Variants in STK4 observed in about 807,000 individuals in gnomAD.
STK4 encodes serine/threonine-protein kinase 4.
STK4 carries 30 observed loss-of-function variants against 64.9 expected under a neutral mutation model. The ratio of observed to expected loss-of-function variants is 0.46; its 90% CI spans 0.35 to 0.63. The LOEUF (loss-of-function observed/expected upper bound fraction) is 0.63, where lower values mean the gene tolerates loss of function less well. STK4 is among the 20% of genes least tolerant of loss of function. STK4 has a pLI of 0.01. For missense variants in STK4, 466 were observed against 598.5 expected, an observed-to-expected ratio of 0.78 and a Z score of 2.31; for synonymous variants, 177 against 199.0, an observed-to-expected ratio of 0.89 and a Z score of 0.93.
At chr20:44,967,051 G>A (rs1344830685) in intron 1 of STK4, 4 of 717,740 alleles carry the variant, frequency 5.6e-6, no homozygotes, top group Non-Finnish European at 6.8e-6. Flanking sequence ...TGAGGGGTGC[G>A]GTGGGGGGAT....
intron 2 of STK4, chr20:44,975,408 G>A: frequency 2.0e-6 from 2 of 982,378 alleles, no homozygotes; most frequent in Non-Finnish European, 2.4e-6. Flanking sequence ...GATGCATAGG[G>A]AGGTATGAAG....
chr20:44,999,595 T>C (rs975520996), intron 7 of STK4, among the ~76,000 whole-genome samples: 3 of 152,180 alleles, frequency 2.0e-5, no homozygotes, highest in Non-Finnish European at 4.4e-5. Context: ...TAAAAACATA[T>C]GATGGTATTA....
chr20:44,991,341 G>T (rs2067630159), intron 5 of STK4, among the ~76,000 whole-genome samples: 1 of 152,112 alleles, frequency 6.6e-6, no homozygotes, highest in Non-Finnish European at 1.5e-5. Flanking sequence ...AAATTTTTCA[G>T]CATTTCCTTG....
chr20:45,059,390 C>T (rs140914769), intron 10 of STK4, among the ~76,000 whole-genome samples: 96 of 152,278 alleles, frequency 6.3e-4, no homozygotes, highest in Non-Finnish European at 2.5e-4. Context: ...AGCATCACTA[C>T]TCTTGCATTT....
intron 10 of STK4, among the ~76,000 whole-genome samples, chr20:45,035,907 G>C (rs1178373500): frequency 1.3e-5 from 2 of 152,142 alleles, no homozygotes; most frequent in African/African-American, 4.8e-5. Flanking sequence ...TGTACTATGT[G>C]CCAGGCATTA....
chr20:45,064,445 CTG>C (rs999465911), intron 10 of STK4, among the ~76,000 whole-genome samples: 26 of 151,610 alleles, frequency 1.7e-4, no homozygotes, highest in African/African-American at 5.8e-4. Context: ...AATTTTTAAA[CTG>C]TTTTTTTCTA....
intron 10 of STK4, among the ~76,000 whole-genome samples, chr20:45,032,995 T>G (rs1269990316): frequency 6.6e-6 from 1 of 152,200 alleles, no homozygotes; most frequent in African/African-American, 2.4e-5. Flanking sequence ...CTCATTGTGG[T>G]TTTGATTTGC....
intron 9 of STK4, among the ~76,000 whole-genome samples, chr20:45,006,826 C>G (rs1233894990): frequency 6.6e-6 from 1 of 152,142 alleles, no homozygotes; most frequent in Non-Finnish European, 1.5e-5. Flanking sequence ...TGTCCTGGCT[C>G]CTATCTTTAT....
rs537802447 is a variant in STK4 at position 45,025,453 on chromosome 20, T to G, written c.1305+323T>G. On this transcript the variant is annotated intron_variant, in intron 10 of 10. Transcript: ENST00000372806. Reference sequence around the variant, plus strand: ...TTATTTGGGGTTTTGATTTTATATTTAAGAATTAGATTGGAGGGCAATTGA... The same window carrying G: ...TTATTTGGGGTTTTGATTTTATATTGAAGAATTAGATTGGAGGGCAATTGA... 2.8e-4 allele frequency among the ~76,000 whole-genome samples: 42 copies of G among 152,358 alleles called. No homozygotes were observed. The South Asian group carries it at 8.7e-3, about 32-fold the overall frequency.
At chr20:44,966,634 T>G in intron 1 of STK4, 31 bp downstream of exon 1, 1 of 1,268,084 alleles carries the variant, frequency 7.9e-7, no homozygotes, top group East Asian at 3.1e-5. Context: ...AGGACGGGCA[T>G]GGGGTCAGGG....
chr20:45,031,828 C>A (rs1424943719), intron 10 of STK4, among the ~76,000 whole-genome samples: 2 of 150,122 alleles, frequency 1.3e-5, no homozygotes, highest in East Asian at 3.9e-4. Context: ...TTGCTTGAAC[C>A]CAGGAGGCGG....
intron 10 of STK4, among the ~76,000 whole-genome samples, chr20:45,062,334 G>A (rs1224568019): frequency 3.3e-5 from 5 of 152,078 alleles, no homozygotes; most frequent in South Asian, 2.1e-4. Flanking sequence ...CCAGTCTACC[G>A]TTGATGAGCA....
At chr20:45,058,956 C>T (rs1467037883) in intron 10 of STK4, among the ~76,000 whole-genome samples, 1 of 152,260 alleles carries the variant, frequency 6.6e-6, no homozygotes, top group African/African-American at 2.4e-5. Context: ...GTGTTTCTCT[C>T]ACAGATTGGC....
chr20:45,026,130 T>G (rs2145386183), intron 10 of STK4, among the ~76,000 whole-genome samples: 2 of 84,044 alleles, frequency 2.4e-5, no homozygotes, highest in Middle Eastern at 0.01. Context: ...ATCCAGTGGT[T>G]TTTTTTTTTT....
intron 9 of STK4, among the ~76,000 whole-genome samples, chr20:45,015,789 C>G (rs1214676567): frequency 6.6e-6 from 1 of 152,018 alleles, no homozygotes; most frequent in African/African-American, 2.4e-5. Flanking sequence ...ACCAAAGTTC[C>G]TATTTTGTAG....
intron 2 of STK4, chr20:44,973,309 A>C (rs996008094): frequency 6.6e-6 from 1 of 152,128 alleles, no homozygotes; most frequent in African/African-American, 2.4e-5. Context: ...AGTTGGAAAA[A>C]TACTCTTTGG....
chr20:44,995,443 T>A (rs1381791221), intron 6 of STK4, among the ~76,000 whole-genome samples, 186 bp downstream of exon 6: 5 of 151,834 alleles, frequency 3.3e-5, no homozygotes, highest in Non-Finnish European at 7.4e-5. Context: ...TTGTCTCTAC[T>A]AAAAATACAA....
At position 45,001,246 on chromosome 20, in the gene STK4, T is replaced by C. The variant is rs918470885; in HGVS notation, c.1040T>C (p.Met347Thr). 1.2e-6 allele frequency: 2 copies of C among 1,614,176 alleles called. No individual in the cohort carries two copies. The highest frequency in any genetic ancestry group is 1.7e-6 in the Non-Finnish European group (2 of 1,180,018). The change falls in exon 9 of 11, where the codon ATG (methionine) becomes ACG (threonine). Residue 347 changes from methionine (M) to threonine (T), a missense_variant. This residue lies in a region of STK4 where 276 missense variants were observed against 308.9 expected (regional missense o/e 0.89). Coordinates refer to ENST00000372806, the MANE Select transcript of STK4 (RefSeq NM_006282.5). The stretch of plus-strand genomic sequence containing the variant: ...GGCACTGTCCGAGTAGCCAGCACCA[T>C]GACTGATGGAGCCAATACTATGATT... The part of the protein sequence containing the change: ...EMGTVRVAST[M>T]TDGANTMIEH...
intron 4 of STK4, among the ~76,000 whole-genome samples, chr20:44,985,928 G>A (rs949192535): frequency 3.3e-5 from 5 of 152,160 alleles, no homozygotes; most frequent in Non-Finnish European, 5.9e-5. Context: ...TGTCAGAAGG[G>A]GAACTATGTA....
Sources: allele counts gnomAD v4.1 joint callset (sites outside exome capture counted in the v4.1 genomes callset), GRCh38; gene constraint gnomAD v4.1.1; regional missense constraint gnomAD v4.1.1; transcripts MANE v1.5; gene names NCBI Gene and HGNC (gene_info 2026-07-23, HGNC 2026-07-21).